Variants in GALNTL6 observed in about 807,000 individuals in gnomAD.
GALNTL6 encodes the protein polypeptide N-acetylgalactosaminyltransferase like 6.
GALNTL6 carries 46 observed loss-of-function variants against 73.7 expected under a neutral mutation model. The ratio of observed to expected loss-of-function variants is 0.62; its 90% CI spans 0.49 to 0.80. The LOEUF (loss-of-function observed/expected upper bound fraction) is 0.80. Among genes scored for constraint, GALNTL6 ranks in the 30% least tolerant of loss-of-function variants. GALNTL6 has a pLI of 0.00. For missense variants in GALNTL6, 604 were observed against 755.0 expected, an observed-to-expected ratio of 0.80 and a Z score of 2.34; for synonymous variants, 259 against 263.7, an observed-to-expected ratio of 0.98 and a Z score of 0.17.
At position 172,125,072 on chromosome 4, in the gene GALNTL6, T is replaced by C. The variant is rs1444602043; in HGVS notation, c.139-104584T>C. Among the ~76,000 whole-genome samples the C allele has an allele frequency of 3.3e-5, 5 of 152,166 alleles. 1 individual carries two copies. Among genetic ancestry groups the C allele is most frequent in the African/African-American group, 4.8e-5 (2 of 41,538 alleles). On this transcript the variant is annotated intron_variant, in intron 2 of 12. Coordinates refer to ENST00000506823, the MANE Select transcript of GALNTL6 (RefSeq NM_001034845.3). The stretch of plus-strand genomic sequence containing the variant: ...ATGAAAAAGTTGAAGGAAAGAGTTA[T>C]GAGCACAGCCAAGCAAAAAGATGTA...
At chr4:172,018,925 GCTA>G (rs1338910654) in intron 2 of GALNTL6, among the ~76,000 whole-genome samples, 1 of 152,016 alleles carries the variant, frequency 6.6e-6, no homozygotes, top group African/African-American at 2.4e-5. Flanking sequence ...TCTTCCTGCT[GCTA>G]CTTCTACATT....
chr4:172,972,655 G>T (rs1222438645), intron 10 of GALNTL6, among the ~76,000 whole-genome samples: 1 of 152,168 alleles, frequency 6.6e-6, no homozygotes, highest in African/African-American at 2.4e-5. Flanking sequence ...TGTGGGGCAG[G>T]AAAGGTAGAC....
chr4:172,724,241 C>G lies in GALNTL6; in HGVS notation c.554-85120C>G, dbSNP rs554843796. On this transcript the variant is annotated intron_variant, in intron 5 of 12. Transcript: ENST00000506823. Reference sequence around the variant, plus strand: ...ATTTCAATCCTTCTTCTCAACTTCTCCCACCCACATCATCAGTCCTTTATT... The same window carrying G: ...ATTTCAATCCTTCTTCTCAACTTCTGCCACCCACATCATCAGTCCTTTATT... Among the ~76,000 whole-genome samples the G allele has an allele frequency of 7.9e-5, 12 of 152,306 alleles. No homozygotes were observed. The South Asian group carries it at 2.5e-3, about 32-fold the overall frequency.
intron 5 of GALNTL6, among the ~76,000 whole-genome samples, chr4:172,735,030 C>A (rs1315295323): frequency 1.3e-5 from 2 of 152,184 alleles, no homozygotes; most frequent in Non-Finnish European, 2.9e-5. Context: ...TATGGCAGTG[C>A]AGAAGGGAAA....
At chr4:172,871,783 G>GTTTGTTTT (rs1744954812) in intron 7 of GALNTL6, among the ~76,000 whole-genome samples, 1 of 151,918 alleles carries the variant, frequency 6.6e-6, no homozygotes, top group African/African-American at 2.4e-5. Flanking sequence ...TTGTTTGTTT[G>GTTTGTTTT]TTTTTTGGGG....
intron 2 of GALNTL6, among the ~76,000 whole-genome samples, chr4:172,013,741 T>TA (rs2110784751): frequency 6.6e-6 from 1 of 152,180 alleles, no homozygotes; most frequent in East Asian, 1.9e-4. Context: ...TTTATAAATG[T>TA]AAAACTAAAT....
intron 5 of GALNTL6, among the ~76,000 whole-genome samples, chr4:172,478,694 A>T (rs1361577987): frequency 6.6e-6 from 1 of 152,240 alleles, no homozygotes; most frequent in Non-Finnish European, 1.5e-5. Context: ...CAGCAAAATA[A>T]ATAATCAACA....
At chr4:172,639,964 T>TA (rs200375874) in intron 5 of GALNTL6, among the ~76,000 whole-genome samples, 1,780 of 152,058 alleles carry the variant, frequency 0.012, 14 homozygotes, top group South Asian at 0.035. Context: ...CTGTCTTTTT[T>TA]AAAAAAAATC....
intron 5 of GALNTL6, among the ~76,000 whole-genome samples, chr4:172,691,128 G>A (rs1348175928): frequency 6.6e-6 from 1 of 152,196 alleles, no homozygotes; most frequent in Non-Finnish European, 1.5e-5. Context: ...CAACATTATA[G>A]CTGAGCCTTG....
chr4:172,475,778 A>C (rs911088940), intron 5 of GALNTL6, among the ~76,000 whole-genome samples: 2 of 152,206 alleles, frequency 1.3e-5, no homozygotes, highest in Non-Finnish European at 2.9e-5. Flanking sequence ...TGAAAATCAA[A>C]GTGAAATCTC....
At chr4:171,944,562 G>A (rs1420446049) in intron 2 of GALNTL6, among the ~76,000 whole-genome samples, 1 of 151,856 alleles carries the variant, frequency 6.6e-6, no homozygotes, top group Non-Finnish European at 1.5e-5. Flanking sequence ...TTATGATTTG[G>A]TCAAAAGCTT....
chr4:171,945,226 A>T (rs138726861), intron 2 of GALNTL6, among the ~76,000 whole-genome samples: 111 of 152,248 alleles, frequency 7.3e-4, no homozygotes, highest in African/African-American at 2.6e-3. Flanking sequence ...ATCAAAAAAC[A>T]TCATTGAAAC....
At chr4:172,278,229 C>T (rs1738903753) in intron 3 of GALNTL6, among the ~76,000 whole-genome samples, 2 of 152,030 alleles carry the variant, frequency 1.3e-5, no homozygotes, top group Non-Finnish European at 2.9e-5. Flanking sequence ...TTAAGTTGAG[C>T]CAAAATGTTT....
chr4:171,819,359 G>A (rs1734623723), intron 2 of GALNTL6, among the ~76,000 whole-genome samples: 1 of 152,104 alleles, frequency 6.6e-6, no homozygotes, highest in Non-Finnish European at 1.5e-5. Context: ...ATTGCCCCAT[G>A]GGAGACAGAG....
chr4:172,057,727 A>AAATAT (rs1731069879), intron 2 of GALNTL6, among the ~76,000 whole-genome samples: 2 of 46,136 alleles, frequency 4.3e-5, no homozygotes, highest in East Asian at 9.2e-4. Flanking sequence ...AAAAAAAAAA[A>AAATAT]ATATATATAT....
chr4:172,275,462 T>G (rs937324731), intron 3 of GALNTL6, among the ~76,000 whole-genome samples: 1 of 152,178 alleles, frequency 6.6e-6, no homozygotes, highest in African/African-American at 2.4e-5. Flanking sequence ...ACACCTGTAC[T>G]TCAGTTTCTA....
At chr4:172,609,961 G>A (rs865951303) in intron 5 of GALNTL6, among the ~76,000 whole-genome samples, 1 of 151,934 alleles carries the variant, frequency 6.6e-6, no homozygotes. Flanking sequence ...ATTTATTCTA[G>A]ATTTTATGGT....
At chr4:171,835,299 T>C (rs1312917121) in intron 2 of GALNTL6, among the ~76,000 whole-genome samples, 1 of 152,030 alleles carries the variant, frequency 6.6e-6, no homozygotes, top group Admixed American at 6.6e-5. Context: ...TTTGTGTGTC[T>C]GTGTATGTAT....
chr4:172,383,153 A>AT (rs1743345997), intron 5 of GALNTL6, among the ~76,000 whole-genome samples: 1 of 152,110 alleles, frequency 6.6e-6, no homozygotes, highest in Admixed American at 6.5e-5. Context: ...CAGCTTGTCA[A>AT]TTTTTTTAGA....
Sources: gnomAD v4.1 joint callset for allele counts (sites outside exome capture counted in the v4.1 genomes callset) on GRCh38, gnomAD v4.1.1 for gene constraint, MANE v1.5 for transcripts, NCBI Gene and HGNC (gene_info 2026-07-23, HGNC 2026-07-21) for gene names.